Variants in RNF14 observed in about 807,000 individuals in gnomAD.
RNF14 encodes E3 ubiquitin-protein ligase RNF14.
RNF14 carries 26 observed loss-of-function variants against 52.6 expected under a neutral mutation model. That is an observed-to-expected ratio of 0.49 (90% CI 0.36 to 0.69). The LOEUF (loss-of-function observed/expected upper bound fraction) is 0.69. Ranked by LOEUF, RNF14 falls within the 30% of genes least tolerant of loss-of-function variation. The pLI is 0.00. For missense variants in RNF14, 404 were observed against 560.4 expected (o/e 0.72, Z 2.82); for synonymous variants, 194 against 202.0 (o/e 0.96, Z 0.34).
intron 8 of RNF14, among the ~76,000 whole-genome samples, chr5:141,987,092 C>T (rs911628773): frequency 5.3e-5 from 8 of 152,104 alleles, no homozygotes; most frequent in African/African-American, 1.9e-4. Flanking sequence ...CAGCATCAGG[C>T]AGTTGGTTGA....
At chr5:141,954,954 T>A, upstream of RNF14, 1 of 1,596,730 alleles carries the variant, frequency 6.3e-7, no homozygotes, top group Non-Finnish European at 8.5e-7. Flanking sequence ...GAGAAAGAGC[T>A]GCCCATGCCC....
chr5:141,951,969 T>C, the RNF14 span, among the ~76,000 whole-genome samples: 84 of 152,398 alleles, frequency 5.5e-4, no homozygotes, highest in East Asian at 0.016. Context: ...TGTTCCCCTT[T>C]AGCAGTATTT....
upstream of RNF14, chr5:141,957,276 T>C: frequency 6.2e-7 from 1 of 1,613,864 alleles, no homozygotes; most frequent in South Asian, 1.1e-5. This position sits in a 1 kb window ranked among gnomAD's most constrained non-coding sequence, Gnocchi z 4.3. Context: ...GTTCTGCATG[T>C]TTGGTCTCAT....
chr5:141,977,695 G>A (rs1242877475), intron 4 of RNF14, among the ~76,000 whole-genome samples: 1 of 152,164 alleles, frequency 6.6e-6, no homozygotes, highest in Non-Finnish European at 1.5e-5. Context: ...CATTAACCAG[G>A]ATCTGATATA....
At chr5:141,967,418 T>C (rs569400387), upstream of RNF14, among the ~76,000 whole-genome samples, 2 of 152,344 alleles carry the variant, frequency 1.3e-5, no homozygotes, top group East Asian at 3.9e-4. Flanking sequence ...GGTGCACTCA[T>C]CACTCGAGTA....
chr5:141,961,534 C>T (rs1753275548), intron 1 of RNF14, among the ~76,000 whole-genome samples: 1 of 152,116 alleles, frequency 6.6e-6, no homozygotes, highest in Admixed American at 6.5e-5. Flanking sequence ...GGAAAGGCGA[C>T]GTTTTCCTGA....
chr5:141,979,213 A>T (rs1243427232), intron 5 of RNF14, among the ~76,000 whole-genome samples: 1 of 150,710 alleles, frequency 6.6e-6, no homozygotes, highest in Non-Finnish European at 1.5e-5. Flanking sequence ...GCAGAAGTAC[A>T]GCCTACTTAG....
At chr5:141,965,674 G>A (rs1753329969), upstream of RNF14, among the ~76,000 whole-genome samples, 2 of 152,132 alleles carry the variant, frequency 1.3e-5, no homozygotes, top group African/African-American at 4.8e-5. Context: ...CCAAACCTTA[G>A]TGCCTCCATC....
chr5:141,976,121 A>G (rs1186905077), intron 4 of RNF14, among the ~76,000 whole-genome samples: 1 of 152,244 alleles, frequency 6.6e-6, no homozygotes, highest in Non-Finnish European at 1.5e-5. Flanking sequence ...TAACACAGGT[A>G]GAATAAAAAG....
chr5:141,953,377 T>A (rs562172428), upstream of RNF14: 6 of 152,236 alleles, frequency 3.9e-5, no homozygotes, highest in Non-Finnish European at 8.8e-5. Flanking sequence ...AAACAGTGAT[T>A]GTCCAGTGGT....
upstream of RNF14, chr5:141,953,492 T>A (rs1753123264): frequency 6.6e-6 from 1 of 151,868 alleles, no homozygotes; most frequent in Non-Finnish European, 1.5e-5. Flanking sequence ...CAGAAATTAG[T>A]GGGAGGGCTG....
upstream of RNF14, chr5:141,958,079 A>G (rs1753217964): frequency 1.8e-6 from 1 of 565,070 alleles, no homozygotes; most frequent in Non-Finnish European, 3.1e-6. Flanking sequence ...AAGAATTGCC[A>G]GGGGAGACCC....
upstream of RNF14, among the ~76,000 whole-genome samples, chr5:141,965,352 C>T (rs1163561555): frequency 2.6e-5 from 4 of 152,166 alleles, no homozygotes; most frequent in Non-Finnish European, 5.9e-5. Flanking sequence ...TGGCCTGGGT[C>T]CCGACCTCTG....
the RNF14 span, chr5:141,952,911 G>A: frequency 1.3e-5 from 2 of 152,240 alleles, no homozygotes; most frequent in Admixed American, 1.3e-4. Context: ...TGCAGCTTGA[G>A]GTAGGAAGTG....
chr5:141,989,656 G>C lies in RNF14; in HGVS notation c.*1866G>C, dbSNP rs1195147255. 3 of 145,172 alleles carry C rather than the reference G, an allele frequency of 2.1e-5. No individual in the cohort carries two copies. The Admixed American group carries it at 2.1e-4, about 10-fold the overall frequency. 9.0% of individuals were successfully genotyped at this position (145,172 alleles called of 1,614,324 possible). A position where few individuals can be genotyped will look rare whatever the true frequency, so the allele number is the denominator to read the frequency against. On this transcript the variant is annotated 3_prime_UTR_variant, in exon 9 of 9. Coordinates refer to ENST00000394520, the MANE Select transcript of RNF14 (RefSeq NM_004290.5). ...TGCAGTGAGCCGAGATAGCGCCACT[G>C]CACTCCAGCCTGAGCGACAGAGCGA...
upstream of RNF14, chr5:141,957,715 A>T (rs983748672): frequency 1.2e-6 from 2 of 1,614,044 alleles, no homozygotes; most frequent in Non-Finnish European, 1.7e-6. The surrounding 1 kb of genome is among the most constrained non-coding windows in gnomAD (Gnocchi z 4.3). Context: ...CAGCTTCCCG[A>T]TCACTGTACC....
chr5:141,967,477 A>G (rs1419499024), upstream of RNF14, among the ~76,000 whole-genome samples: 1 of 151,850 alleles, frequency 6.6e-6, no homozygotes, highest in African/African-American at 2.4e-5. Flanking sequence ...TCCCCCTCTC[A>G]TCCTTCCCCC....
In RNF14 at chr5:141,972,136, A is replaced by G. The variant is rs565922326; in HGVS notation, c.-7+1259A>G. ...CTCAGTTATCTAATTTTCTTCCATAATATCTATGCCTGTAACATTCTCAAG... is the reference window on the plus strand; with the variant it reads ...CTCAGTTATCTAATTTTCTTCCATAGTATCTATGCCTGTAACATTCTCAAG... On this transcript the variant is annotated intron_variant, in intron 2 of 8. Transcript: ENST00000394520. Among the ~76,000 whole-genome samples the G allele has an allele frequency of 1.4e-3, 213 of 152,150 alleles. 1 individual carries two copies. Among genetic ancestry groups the G allele is most frequent in the African/African-American group, 5.0e-3 (208 of 41,476 alleles).
intron 1 of RNF14, among the ~76,000 whole-genome samples, chr5:141,959,290 A>G (rs1753234327): frequency 6.6e-6 from 1 of 151,668 alleles, no homozygotes; most frequent in Non-Finnish European, 1.5e-5. Flanking sequence ...GCTGCCCCCA[A>G]CTCTCCTTTT....
Sources: allele counts gnomAD v4.1 joint callset (sites outside exome capture counted in the v4.1 genomes callset), GRCh38; gene constraint gnomAD v4.1.1; non-coding constraint Gnocchi (gnomAD v3.1); transcripts MANE v1.5; gene names NCBI Gene and HGNC (gene_info 2026-07-23, HGNC 2026-07-21).